The following SERINC3 variants were observed in gnomAD, a reference collection of about 807,000 sequenced individuals.
SERINC3 encodes tumor differentially expressed protein 1.
SERINC3 carries 22 observed loss-of-function variants against 52.1 expected under a neutral mutation model. The observed-to-expected ratio is 0.42, with a 90% confidence interval of 0.30 to 0.60. The LOEUF (loss-of-function observed/expected upper bound fraction) is 0.60. Among genes scored for constraint, SERINC3 ranks in the 20% least tolerant of loss-of-function variants. The probability of loss-of-function intolerance (pLI) is 0.16; values close to 1 mark genes in which losing one functional copy is unlikely to be tolerated. For missense variants in SERINC3, 564 were observed against 584.6 expected, an observed-to-expected ratio of 0.96 and a Z score of 0.36; for synonymous variants, 226 against 212.7, an observed-to-expected ratio of 1.06 and a Z score of -0.54.
intron 6 of SERINC3, among the ~76,000 whole-genome samples, chr20:44,506,043 G>A (rs1222247618): frequency 1.3e-5 from 2 of 152,078 alleles, no homozygotes; most frequent in Middle Eastern, 3.4e-3. Flanking sequence ...GCTCACAACT[G>A]TAAAACCAGC....
Position 44,503,986 on chromosome 20 carries a change from C to G in SERINC3, c.884G>C (p.Cys295Ser). 1 of 1,572,818 alleles carries G rather than the reference C, an allele frequency of 6.4e-7. No homozygotes were observed. The highest frequency in any genetic ancestry group is 8.6e-7 in the Non-Finnish European group (1 of 1,167,832). Residue 295 changes from cysteine (C) to serine (S), a missense_variant, in exon 8 of 10, where the codon TGC (cysteine) becomes TCC (serine). Cys to Ser is a moderately radical substitution (Grantham distance 112, BLOSUM62 -1). Coordinates refer to ENST00000342374, the MANE Select transcript of SERINC3 (RefSeq NM_006811.4). ...SAMSNEPDRS[C>S]NPNLMSFITR... is the part of the protein sequence containing the mutation. Reference sequence around the variant, plus strand: ...AATAAAGCTCATCAGGTTGGGATTGCAGGAACGATCTGAAAATGAGAAAAT... The same window carrying G: ...AATAAAGCTCATCAGGTTGGGATTGGAGGAACGATCTGAAAATGAGAAAAT...
At chr20:44,516,072 G>A (rs566241047) in intron 1 of SERINC3, among the ~76,000 whole-genome samples, 1 of 152,266 alleles carries the variant, frequency 6.6e-6, no homozygotes, top group South Asian at 2.1e-4. Context: ...GGGAGGCCAA[G>A]GCAGGTGGAC....
In SERINC3 at chr20:44,506,946, C is replaced by A. The variant is rs796829781; in HGVS notation, c.664G>T (p.Gly222Trp). Reference sequence around the variant, plus strand: ...TTGGTGTAATATGTATAGAGCAGCCCGACACAGATGATTGACAGGATATAA... The same window carrying A: ...TTGGTGTAATATGTATAGAGCAGCCAGACACAGATGATTGACAGGATATAA... ...AFYILSIICV[G>W]LLYTYYTKPD... Residue 222 changes from glycine (G) to tryptophan (W), a missense_variant, in exon 6 of 10, where the codon GGG (glycine) becomes TGG (tryptophan). By Grantham distance (184) the Gly-to-Trp change is radical. Coordinates refer to ENST00000342374, the MANE Select transcript of SERINC3 (RefSeq NM_006811.4). The A allele has an allele frequency of 1.9e-6, 3 of 1,609,398 alleles. No homozygotes were observed. The highest frequency in any genetic ancestry group is 2.5e-6 in the Non-Finnish European group (3 of 1,178,416).
intron 8 of SERINC3, among the ~76,000 whole-genome samples, chr20:44,502,826 G>A (rs1156600591): frequency 6.6e-6 from 1 of 151,904 alleles, no homozygotes; most frequent in African/African-American, 2.4e-5. Context: ...CAAACTCCTG[G>A]ATGCAAGCGA....
intron 1 of SERINC3, 44 bp from the exon 2 acceptor site, chr20:44,514,084 A>G (rs763958828): frequency 3.2e-6 from 5 of 1,584,636 alleles, no homozygotes; most frequent in African/African-American, 1.4e-5. Flanking sequence ...CCTTCAGTAT[A>G]CTCCTTTATG....
In SERINC3 at chr20:44,503,864, C is replaced by A. The variant is rs765328559; in HGVS notation, c.1006G>T (p.Asp336Tyr). 6.3e-7 allele frequency: 1 copy of A among 1,590,270 alleles called. No individual in the cohort carries two copies. Among genetic ancestry groups the A allele is most frequent in the Non-Finnish European group, 8.5e-7 (1 of 1,171,890 alleles). Residue 336 changes from aspartate (D) to tyrosine (Y), a missense_variant, in exon 8 of 10, where the codon GAT becomes TAT. Asp to Tyr is a radical substitution (Grantham distance 160, BLOSUM62 -3). Coordinates refer to ENST00000342374, the MANE Select transcript of SERINC3 (RefSeq NM_006811.4). ...AAGACAAACAGTCCAATAAAATTAT[C>A]TGAATCCAGTAAAGACCCACTCTTT... Reference protein sequence around the residue: ...PSKSGSLLDSDNFIGLFVFVL... With the variant: ...PSKSGSLLDSYNFIGLFVFVL...
Position 44,509,509 on chromosome 20 carries a change from G to A in SERINC3, c.613+382C>T, listed in dbSNP as rs568620033. Among the ~76,000 whole-genome samples the A allele has an allele frequency of 7.2e-5, 11 of 152,142 alleles. No individual in the cohort carries two copies. The South Asian group carries it at 2.3e-3, about 32-fold the overall frequency. On this transcript the variant is annotated intron_variant, in intron 5 of 9. Coordinates refer to ENST00000342374, the MANE Select transcript of SERINC3 (RefSeq NM_006811.4). Reference sequence around the variant, plus strand: ...TCAGAGCCAAATTCTGGAAATTGTGGATTTTTTTCCTTTTATTTAATGTTA... The same window carrying A: ...TCAGAGCCAAATTCTGGAAATTGTGAATTTTTTTCCTTTTATTTAATGTTA...
In SERINC3 at chr20:44,514,023, G is replaced by A. The variant is rs370153515; in HGVS notation, c.57C>T (p.Ser19=). Residue 19 remains serine, a synonymous_variant, in exon 2 of 10, where the codon AGC becomes AGT. Coordinates refer to ENST00000342374, the MANE Select transcript of SERINC3 (RefSeq NM_006811.4). ...SLASWVPCLC[S]GASCLLCSCC... The stretch of plus-strand genomic sequence containing the variant: ...AACTACACAGCAAACATGAGGCACC[G>A]CTGCAGAGGCATGGAACCTGGAATG... 2.0e-4 allele frequency: 323 copies of A among 1,613,736 alleles called. No individual in the cohort carries two copies. The highest frequency in any genetic ancestry group is 2.5e-4 in the Non-Finnish European group (292 of 1,179,872).
chr20:44,504,458 G>A (rs981993269), intron 7 of SERINC3, among the ~76,000 whole-genome samples: 2 of 152,174 alleles, frequency 1.3e-5, no homozygotes, highest in Non-Finnish European at 2.9e-5. Context: ...TCCTACAGCT[G>A]TTTCTTCTAC....
intron 1 of SERINC3, among the ~76,000 whole-genome samples, chr20:44,517,910 A>G (rs1398267507): frequency 2.6e-5 from 4 of 152,050 alleles, no homozygotes; most frequent in African/African-American, 7.2e-5. Flanking sequence ...ATGTTATGTC[A>G]TTTTTCTATT....
At chr20:44,517,573 T>G (rs1192065843) in intron 1 of SERINC3, among the ~76,000 whole-genome samples, 1 of 149,784 alleles carries the variant, frequency 6.7e-6, no homozygotes, top group African/African-American at 2.5e-5. Context: ...CATCAAAGAC[T>G]GCCAGCAAAC....
chr20:44,501,013 G>A (rs2064275896), intron 9 of SERINC3, 60 bp downstream of exon 9: 3 of 1,262,572 alleles, frequency 2.4e-6, no homozygotes, highest in Admixed American at 3.6e-5. Context: ...CAATGGATGA[G>A]ATTTTATAGG....
intron 5 of SERINC3, among the ~76,000 whole-genome samples, chr20:44,509,559 T>C (rs140146059): frequency 8.9e-4 from 135 of 152,288 alleles, no homozygotes; most frequent in African/African-American, 3.1e-3. Context: ...GACAGGGTCT[T>C]GCTCTGTCAC....
chr20:44,513,989 T>C lies in SERINC3; in HGVS notation c.91A>G (p.Asn31Asp), dbSNP rs1268304884. The C allele has an allele frequency of 6.2e-7, 1 of 1,614,136 alleles. No homozygotes were observed. Among genetic ancestry groups the C allele is most frequent in the Admixed American group, 1.7e-5 (1 of 60,018 alleles). The change falls in exon 2 of 10, where the codon AAC (asparagine) becomes GAC (aspartate). Residue 31 changes from asparagine to aspartate, a missense_variant. Coordinates refer to ENST00000342374, the MANE Select transcript of SERINC3 (RefSeq NM_006811.4). ...ASCLLCSCCPNSKNSTVTRLI... is the reference protein window; with the variant it reads ...ASCLLCSCCPDSKNSTVTRLI... ...CGAGTCACCGTGGAATTCTTACTGT[T>C]AGGACAGCAACTACACAGCAAACAT...
Position 44,504,814 on chromosome 20 carries a change from C to A in SERINC3, c.861G>T (p.Met287Ile), listed in dbSNP as rs1275158171. The A allele has an allele frequency of 3.1e-6, 5 of 1,609,662 alleles. No individual in the cohort carries two copies. Among genetic ancestry groups the A allele is most frequent in the Non-Finnish European group, 4.2e-6 (5 of 1,176,548 alleles). The change falls in exon 7 of 10, where the codon ATG becomes ATT. Residue 287 changes from methionine to isoleucine, a missense_variant. By Grantham distance (10) the Met-to-Ile change is conservative. Transcript: ENST00000342374. Reference protein sequence around the residue: ...LYTMYLTWSAMSNEPDRSCNP... With the variant: ...LYTMYLTWSAISNEPDRSCNP... Reference sequence around the variant, plus strand: ...ACATTCCCTTACCAGGTTCATTGGACATGGCTGACCAGGTGAGGTACATAG... The same window carrying A: ...ACATTCCCTTACCAGGTTCATTGGAAATGGCTGACCAGGTGAGGTACATAG...
chr20:44,503,847 C>G lies in SERINC3; in HGVS notation c.1023G>C (p.Leu341=). ...ACAAGAGGCAGAGAACAAAGACAAA[C>G]AGTCCAATAAAATTATCTGAATCCA... is the stretch of plus-strand genomic sequence containing the variant. ...SLLDSDNFIG[L]FVFVLCLLYS... The change falls in exon 8 of 10, where the codon CTG becomes CTC. Residue 341 remains leucine, a synonymous_variant. Coordinates refer to ENST00000342374, the MANE Select transcript of SERINC3 (RefSeq NM_006811.4). 1 of 1,582,322 alleles carries G rather than the reference C, an allele frequency of 6.3e-7. No individual in the cohort carries two copies. The highest frequency in any genetic ancestry group is 1.2e-5 in the South Asian group (1 of 83,942).
At chr20:44,507,039 A>C in intron 5 of SERINC3, 43 bp from the exon 6 acceptor site, 1 of 1,422,266 alleles carries the variant, frequency 7.0e-7, no homozygotes, top group Non-Finnish European at 9.3e-7. Context: ...AACTATAATA[A>C]ACTAATAATG....
intron 2 of SERINC3, 75 bp downstream of exon 2, chr20:44,513,804 A>T: frequency 7.6e-7 from 1 of 1,308,930 alleles, no homozygotes; most frequent in Non-Finnish European, 1.0e-6. Context: ...ATTAACAACG[A>T]CGAAATAAAA....
At chr20:44,513,754 C>T in intron 2 of SERINC3, 125 bp downstream of exon 2, 2 of 726,208 alleles carry the variant, frequency 2.8e-6, no homozygotes, top group East Asian at 5.8e-5. Context: ...TTGACCACAC[C>T]CCCATATAAG....
Sources: gnomAD v4.1 joint callset for allele counts (sites outside exome capture counted in the v4.1 genomes callset) on GRCh38, gnomAD v4.1.1 for gene constraint, MANE v1.5 for transcripts, NCBI Gene and HGNC (gene_info 2026-07-23, HGNC 2026-07-21) for gene names.